Variants in MVB12B observed in about 807,000 individuals in gnomAD.
The protein encoded by MVB12B is ESCRT-I complex subunit MVB12B.
In MVB12B, 16 loss-of-function variants were observed where a neutral mutation model predicts 41.6. The observed-to-expected ratio is 0.38, with a 90% CI of 0.26 to 0.58. The LOEUF (loss-of-function observed/expected upper bound fraction) is 0.58, where lower values mean the gene tolerates loss of function less well. Among genes scored for constraint, MVB12B ranks in the 20% least tolerant of loss-of-function variants. The pLI is 0.62. For synonymous variants in MVB12B, 133 were observed against 139.7 expected (o/e 0.95, Z 0.34); for missense variants, 274 against 380.2 (o/e 0.72, Z 2.32).
Position 126,389,567 on chromosome 9 carries a change from C to T in MVB12B, c.410-2499C>T, listed in dbSNP as rs906020262. On this transcript the variant is annotated intron_variant, in intron 4 of 9. Transcript: ENST00000361171. The surrounding 1 kb of genome is among the most constrained non-coding windows in gnomAD (Gnocchi z 4.4). ...AATCAGTGGCTCCATCTCTTAACCC[C>T]GAGTTTGCTGCAGACGGAAGAATGG... Among the ~76,000 whole-genome samples the T allele has an allele frequency of 6.6e-5, 10 of 152,128 alleles. No individual in the cohort carries two copies. The highest frequency in any genetic ancestry group is 7.4e-5 in the Non-Finnish European group (5 of 68,020).
In MVB12B at chr9:126,503,692, T is replaced by G; in HGVS notation, c.*429T>G. On this transcript the variant is annotated 3_prime_UTR_variant, in exon 10 of 10. Transcript: ENST00000361171. ...CGTTGAGTCTCTTCCTGGAAGACCCTGAGGGCCGGCAGCTTTGCCTAGGAC... is the reference window on the plus strand; with the variant it reads ...CGTTGAGTCTCTTCCTGGAAGACCCGGAGGGCCGGCAGCTTTGCCTAGGAC... 5.1e-6 allele frequency: 1 copy of G among 196,810 alleles called. No individual in the cohort carries two copies. The highest frequency in any genetic ancestry group is 1.0e-4 in the South Asian group (1 of 9,710). 12.2% of individuals were successfully genotyped at this position (196,810 alleles called of 1,614,324 possible). A position where few individuals can be genotyped will look rare whatever the true frequency, so the allele number is the denominator to read the frequency against.
At chr9:126,496,839 G>GAGAT (rs1833846350) in intron 9 of MVB12B, among the ~76,000 whole-genome samples, 1 of 152,078 alleles carries the variant, frequency 6.6e-6, no homozygotes, top group Non-Finnish European at 1.5e-5. Context: ...GGTGTTTTGT[G>GAGAT]AGATAGGGTG....
chr9:126,398,231 G>A (rs1442875241), intron 6 of MVB12B, among the ~76,000 whole-genome samples: 2 of 151,754 alleles, frequency 1.3e-5, no homozygotes, highest in East Asian at 1.9e-4. Flanking sequence ...TCTCGAGCCC[G>A]TGTGGTGGTG....
intron 2 of MVB12B, among the ~76,000 whole-genome samples, chr9:126,349,637 G>A (rs1396742828): frequency 6.6e-6 from 1 of 152,104 alleles, no homozygotes; most frequent in Non-Finnish European, 1.5e-5. Context: ...AAAAAACTCA[G>A]CATAATTCTC....
At chr9:126,460,616 T>G (rs1833069814) in intron 7 of MVB12B, among the ~76,000 whole-genome samples, 1 of 152,042 alleles carries the variant, frequency 6.6e-6, no homozygotes, top group South Asian at 2.1e-4. Context: ...CGCCTCTCCC[T>G]GACCGGGGTC....
intron 2 of MVB12B, among the ~76,000 whole-genome samples, chr9:126,342,120 A>T (rs1371774864): frequency 6.6e-6 from 1 of 152,252 alleles, no homozygotes; most frequent in African/African-American, 2.4e-5. Flanking sequence ...GGAAGCTAAT[A>T]AAAATGTTCC....
At chr9:126,479,749 G>A (rs1031600714) in intron 7 of MVB12B, among the ~76,000 whole-genome samples, 1 of 152,244 alleles carries the variant, frequency 6.6e-6, no homozygotes, top group Non-Finnish European at 1.5e-5. Flanking sequence ...CGCGGGGAAT[G>A]CAGCGACTGC....
chr9:126,355,245 G>C (rs1829850342), intron 2 of MVB12B, among the ~76,000 whole-genome samples: 2 of 152,170 alleles, frequency 1.3e-5, no homozygotes, highest in South Asian at 4.1e-4. Flanking sequence ...GACCCCTGAT[G>C]ACCCCAAGCC....
At chr9:126,452,409 G>A (rs1347969415) in intron 7 of MVB12B, among the ~76,000 whole-genome samples, 3 of 152,228 alleles carry the variant, frequency 2.0e-5, no homozygotes, top group African/African-American at 4.8e-5. Flanking sequence ...AGCTCCAGAC[G>A]TGTGCAGACC....
chr9:126,439,643 C>T (rs1747665036), intron 7 of MVB12B, among the ~76,000 whole-genome samples: 1 of 152,216 alleles, frequency 6.6e-6, no homozygotes, highest in African/African-American at 2.4e-5. Flanking sequence ...ACTTTACCTC[C>T]AGAACTTCAG....
intron 1 of MVB12B, among the ~76,000 whole-genome samples, chr9:126,334,221 T>G (rs1041645886): frequency 7.2e-5 from 11 of 152,112 alleles, no homozygotes; most frequent in African/African-American, 2.7e-4. Context: ...AGACCGGGAA[T>G]GTAGGAGGAT....
At chr9:126,451,871 C>A (rs1384790395) in intron 7 of MVB12B, among the ~76,000 whole-genome samples, 1 of 152,170 alleles carries the variant, frequency 6.6e-6, no homozygotes, top group Non-Finnish European at 1.5e-5. Flanking sequence ...TTAGGTTAGC[C>A]GTGTGACTGA....
chr9:126,341,814 AG>A (rs1176571351), intron 2 of MVB12B, among the ~76,000 whole-genome samples: 8 of 152,188 alleles, frequency 5.3e-5, no homozygotes, highest in Admixed American at 3.3e-4. Context: ...CTCCAGGAGC[AG>A]GGGGTGGCTG....
intron 6 of MVB12B, 149 bp from the exon 7 acceptor site, chr9:126,421,705 T>C: frequency 3.0e-6 from 2 of 667,818 alleles, no homozygotes; most frequent in Non-Finnish European, 5.5e-6. Flanking sequence ...GTGGAGGAGT[T>C]ATGCTTGATT....
At chr9:126,463,070 C>G (rs528123925) in intron 7 of MVB12B, among the ~76,000 whole-genome samples, 8 of 152,328 alleles carry the variant, frequency 5.3e-5, no homozygotes, top group Admixed American at 2.0e-4. Flanking sequence ...CGCCTCATCT[C>G]CCCACTGTCC....
At chr9:126,420,706 C>T (rs1031193162) in intron 6 of MVB12B, among the ~76,000 whole-genome samples, 1 of 151,504 alleles carries the variant, frequency 6.6e-6, no homozygotes, top group Non-Finnish European at 1.5e-5. Context: ...GCCTCAGCTT[C>T]CCAAGTAGCT....
intron 9 of MVB12B, among the ~76,000 whole-genome samples, chr9:126,501,713 C>T (rs1208021191): frequency 6.6e-6 from 1 of 152,252 alleles, no homozygotes; most frequent in Non-Finnish European, 1.5e-5. Flanking sequence ...CTCCCATGCT[C>T]CTTCATGGTT....
At chr9:126,441,020 C>T (rs1282160191) in intron 7 of MVB12B, among the ~76,000 whole-genome samples, 1 of 152,232 alleles carries the variant, frequency 6.6e-6, no homozygotes, top group Non-Finnish European at 1.5e-5. Flanking sequence ...TGGGCTGAGG[C>T]CTGCCAACTA....
In MVB12B at chr9:126,453,337, C is replaced by T. The variant is rs1326519116; in HGVS notation, c.758-28032C>T. Among the ~76,000 whole-genome samples, 4 of 152,256 alleles carry T rather than the reference C, an allele frequency of 2.6e-5. No homozygotes were observed. The East Asian group carries it at 5.8e-4, about 22-fold the overall frequency. The stretch of plus-strand genomic sequence containing the variant: ...AGGGGAGGGGTGAAAGGTCCAGCTG[C>T]AAGCAGGGAAGCAGCTGAGCACCCG... On this transcript the variant is annotated intron_variant, in intron 7 of 9. Transcript: ENST00000361171.
Sources: gnomAD v4.1 joint callset for allele counts (sites outside exome capture counted in the v4.1 genomes callset) on GRCh38, gnomAD v4.1.1 for gene constraint, Gnocchi (gnomAD v3.1) non-coding constraint, MANE v1.5 for transcripts, NCBI Gene and HGNC (gene_info 2026-07-23, HGNC 2026-07-21) for gene names.